CNTNAP2: variants seen among roughly 807,000 people sequenced by gnomAD.
CNTNAP2 encodes contactin associated protein 2, also known as contactin-associated protein-like 2.
CNTNAP2 carries 98 observed loss-of-function variants against 155.2 expected under a neutral mutation model. The observed-to-expected ratio is 0.63, with a 90% CI of 0.54 to 0.75. The LOEUF (loss-of-function observed/expected upper bound fraction) is 0.75. Among genes scored for constraint, CNTNAP2 ranks in the 30% least tolerant of loss-of-function variants. The pLI, the probability that CNTNAP2 is intolerant of heterozygous loss-of-function variation, is 0.00. For missense variants in CNTNAP2, 1,727 were observed against 1,688.1 expected, an observed-to-expected ratio of 1.02 and a Z score of -0.40; for synonymous variants, 651 against 631.2, an observed-to-expected ratio of 1.03 and a Z score of -0.47.
intron 9 of CNTNAP2, among the ~76,000 whole-genome samples, chr7:147,307,233 C>T (rs1795046778): frequency 6.6e-6 from 1 of 152,184 alleles, no homozygotes; most frequent in South Asian, 2.1e-4. Context: ...AATGTCCTCA[C>T]ATTTAACATA....
chr7:146,681,429 G>T (rs1162425715), intron 1 of CNTNAP2, among the ~76,000 whole-genome samples: 1 of 105,732 alleles, frequency 9.5e-6, no homozygotes, highest in African/African-American at 3.7e-5. Flanking sequence ...CCTGTGGGTG[G>T]GGGGTGGAGG....
At chr7:146,972,264 A>G (rs1797816727) in intron 3 of CNTNAP2, among the ~76,000 whole-genome samples, 1 of 152,204 alleles carries the variant, frequency 6.6e-6, no homozygotes, top group South Asian at 2.1e-4. Flanking sequence ...TATTCTAGTA[A>G]TGATACTATA....
intron 9 of CNTNAP2, among the ~76,000 whole-genome samples, chr7:147,371,953 T>C (rs984383735): frequency 6.6e-6 from 1 of 152,122 alleles, no homozygotes; most frequent in Non-Finnish European, 1.5e-5. Flanking sequence ...ACACTGTCCC[T>C]AAATCTTGTT....
At chr7:146,819,588 C>T (rs1803237294) in intron 2 of CNTNAP2, among the ~76,000 whole-genome samples, 1 of 152,084 alleles carries the variant, frequency 6.6e-6, no homozygotes, top group Admixed American at 6.6e-5. Context: ...CTTTCAATAC[C>T]ATTCAGCTAC....
At chr7:146,443,048 A>G (rs541434960) in intron 1 of CNTNAP2, among the ~76,000 whole-genome samples, 1 of 151,796 alleles carries the variant, frequency 6.6e-6, no homozygotes, top group East Asian at 2.0e-4. Flanking sequence ...CTACTAAAAA[A>G]AAAATACAAA....
At chr7:147,670,302 C>T (rs1795766624) in intron 13 of CNTNAP2, among the ~76,000 whole-genome samples, 2 of 152,102 alleles carry the variant, frequency 1.3e-5, no homozygotes, top group African/African-American at 4.8e-5. Context: ...TCCAATTCGC[C>T]AGGGATGTGA....
At chr7:146,975,516 G>A (rs781102923) in intron 3 of CNTNAP2, among the ~76,000 whole-genome samples, 10 of 152,148 alleles carry the variant, frequency 6.6e-5, no homozygotes, top group East Asian at 1.9e-4. Context: ...TCACAGGCGC[G>A]TAATCCACAT....
At chr7:146,857,577 A>G (rs1035577946) in intron 3 of CNTNAP2, among the ~76,000 whole-genome samples, 1 of 152,194 alleles carries the variant, frequency 6.6e-6, no homozygotes, top group Non-Finnish European at 1.5e-5. Flanking sequence ...TCTCCAGAAA[A>G]TAGAGATTTG....
intron 13 of CNTNAP2, among the ~76,000 whole-genome samples, chr7:147,743,947 G>A (rs774409316): frequency 2.6e-5 from 4 of 152,102 alleles, no homozygotes; most frequent in Non-Finnish European, 5.9e-5. Flanking sequence ...CTTATTACCT[G>A]TGTGACCTTG....
At chr7:147,448,691 T>C (rs1166972281) in intron 10 of CNTNAP2, among the ~76,000 whole-genome samples, 4 of 152,020 alleles carry the variant, frequency 2.6e-5, no homozygotes, top group Non-Finnish European at 5.9e-5. Flanking sequence ...CACAACATAA[T>C]AGGGACGGGG....
chr7:148,042,635 T>A lies in CNTNAP2; in HGVS notation c.2383+64646T>A, dbSNP rs549222301. Among the ~76,000 whole-genome samples the A allele has an allele frequency of 9.8e-5, 15 of 152,302 alleles. 1 individual carries two copies. The South Asian group carries it at 3.1e-3, about 32-fold the overall frequency. On this transcript the variant is annotated intron_variant, in intron 15 of 23. Coordinates refer to ENST00000361727, the MANE Select transcript of CNTNAP2 (RefSeq NM_014141.6). ...TAAGATCTCTGCCAAACTTACTTAT[T>A]TGCTGCTTTTCACAGACACTAGACC... is the stretch of plus-strand genomic sequence containing the variant.
intron 4 of CNTNAP2, among the ~76,000 whole-genome samples, chr7:147,085,285 C>T (rs1359494640): frequency 6.6e-6 from 1 of 152,138 alleles, no homozygotes; most frequent in East Asian, 1.9e-4. Context: ...GGCCACGGAC[C>T]TATACTGGTC....
At chr7:147,476,799 G>A (rs530130996) in intron 10 of CNTNAP2, among the ~76,000 whole-genome samples, 7 of 152,074 alleles carry the variant, frequency 4.6e-5, no homozygotes, top group African/African-American at 1.4e-4. Flanking sequence ...GTGGTGGCAG[G>A]CACCTGTAAT....
chr7:147,106,705 A>C (rs771366086), intron 4 of CNTNAP2, among the ~76,000 whole-genome samples: 18 of 152,164 alleles, frequency 1.2e-4, no homozygotes, highest in Non-Finnish European at 1.9e-4. Flanking sequence ...GCATGCTTAG[A>C]TTTCATTTTA....
intron 18 of CNTNAP2, among the ~76,000 whole-genome samples, chr7:148,173,712 G>A (rs571423779): frequency 1.5e-4 from 23 of 152,246 alleles, no homozygotes; most frequent in Middle Eastern, 3.4e-3. Context: ...ATTTTCCTGC[G>A]GCACACAATT....
chr7:147,081,981 G>C (rs1225952589), intron 4 of CNTNAP2: 1 of 152,064 alleles, frequency 6.6e-6, no homozygotes, highest in East Asian at 1.9e-4. Context: ...TAGTTTTTTG[G>C]ATCCGAATAA....
chr7:147,271,739 G>A (rs916911613), intron 8 of CNTNAP2, among the ~76,000 whole-genome samples: 2 of 152,070 alleles, frequency 1.3e-5, no homozygotes, highest in African/African-American at 2.4e-5. Flanking sequence ...GAACAGTATA[G>A]GGGAACCACC....
intron 8 of CNTNAP2, among the ~76,000 whole-genome samples, chr7:147,233,385 A>C (rs1379888978): frequency 6.6e-6 from 1 of 152,194 alleles, no homozygotes; most frequent in East Asian, 1.9e-4. Context: ...CTTACATTAA[A>C]TTTAAGCCAT....
At chr7:147,276,022 A>G (rs532638532) in intron 8 of CNTNAP2, among the ~76,000 whole-genome samples, 1 of 151,918 alleles carries the variant, frequency 6.6e-6, no homozygotes, top group South Asian at 2.1e-4. Flanking sequence ...CTTGATTGTG[A>G]TGGATCATCT....
Sources: allele counts gnomAD v4.1 joint callset (sites outside exome capture counted in the v4.1 genomes callset), GRCh38; gene constraint gnomAD v4.1.1; transcripts MANE v1.5; gene names NCBI Gene and HGNC (gene_info 2026-07-23, HGNC 2026-07-21).